TMC1: variants seen among roughly 807,000 people sequenced by gnomAD.
The protein encoded by TMC1 is transmembrane channel like 1.
In TMC1, 84 loss-of-function variants were observed where a neutral mutation model predicts 105.8. That is an observed-to-expected ratio of 0.79 (90% CI 0.67 to 0.95). The LOEUF is 0.95. TMC1 is among the 40% of genes least tolerant of loss of function. The pLI, the probability that TMC1 is intolerant of heterozygous loss-of-function variation, is 0.00. For synonymous variants in TMC1, 315 were observed against 311.5 expected, an observed-to-expected ratio of 1.01 and a Z score of -0.12; for missense variants, 817 against 914.1, an observed-to-expected ratio of 0.89 and a Z score of 1.37.
chr9:72,535,918 C>T (rs141840658), intron 1 of TMC1, among the ~76,000 whole-genome samples: 3 of 152,270 alleles, frequency 2.0e-5, no homozygotes, highest in Admixed American at 1.3e-4. Flanking sequence ...TTAATTTATT[C>T]GTGAATGATT....
chr9:72,625,975 T>C (rs573659434), intron 3 of TMC1, among the ~76,000 whole-genome samples: 63 of 152,300 alleles, frequency 4.1e-4, no homozygotes, highest in African/African-American at 1.5e-3. Context: ...GAGGCTGATA[T>C]TTTCTTTTTG....
chr9:72,627,920 G>A lies in TMC1; in HGVS notation c.-195-1G>A. ...TGGATTTTTTTTTTTTCATATTTTA[G>A]GATGCCAGAAGCCTCAAAAATGGAA... is the stretch of plus-strand genomic sequence containing the variant. On this transcript the variant is annotated splice_acceptor_variant, in intron 3 of 23. Coordinates refer to ENST00000297784, the MANE Select transcript of TMC1 (RefSeq NM_138691.3). LOFTEE classifies it low-confidence loss of function (5UTR_SPLICE). 2.6e-6 allele frequency: 1 copy of A among 381,846 alleles called. No individual in the cohort carries two copies. The allele number at this position is 381,846 out of a possible 1,614,324, so 23.7% of individuals were successfully genotyped here. A position where few individuals can be genotyped will look rare whatever the true frequency, so the allele number is the denominator to read the frequency against.
rs564013112 is a variant in TMC1 at position 72,629,707 on chromosome 9, A to G, written c.-53+1644A>G. On this transcript the variant is annotated intron_variant, in intron 4 of 23. Transcript: ENST00000297784. ...TGAGACATAGCAAATTGTTTGCTTTAACTAGAAAATAGTGGTTATGTGTGG... is the reference window on the plus strand; with the variant it reads ...TGAGACATAGCAAATTGTTTGCTTTGACTAGAAAATAGTGGTTATGTGTGG... Among the ~76,000 whole-genome samples, 88 of 152,288 alleles carry G rather than the reference A, an allele frequency of 5.8e-4. No homozygotes were observed. In the Middle Eastern group the frequency reaches 0.02, roughly 35 times the overall value.
At chr9:72,828,250 T>G (rs1321117187) in intron 21 of TMC1, among the ~76,000 whole-genome samples, 1 of 152,206 alleles carries the variant, frequency 6.6e-6, no homozygotes, top group East Asian at 1.9e-4. Flanking sequence ...CTGGCACAGA[T>G]GCATTAGAAA....
chr9:72,671,037 C>T (rs1414906463), intron 5 of TMC1, among the ~76,000 whole-genome samples: 1 of 152,152 alleles, frequency 6.6e-6, no homozygotes, highest in Non-Finnish European at 1.5e-5. Flanking sequence ...AACACAGAAG[C>T]ATACACATTT....
chr9:72,627,672 G>C (rs976344879), intron 3 of TMC1, among the ~76,000 whole-genome samples: 1 of 150,312 alleles, frequency 6.7e-6, no homozygotes, highest in Admixed American at 6.6e-5. Context: ...TCCAAATGAG[G>C]TTGTACACAC....
intron 18 of TMC1, among the ~76,000 whole-genome samples, chr9:72,807,942 C>T (rs1828632026): frequency 6.6e-6 from 1 of 152,156 alleles, no homozygotes; most frequent in African/African-American, 2.4e-5. Flanking sequence ...ATCCTCAGGT[C>T]CCCCAACAAA....
chr9:72,634,859 G>A (rs1464558592), intron 4 of TMC1, among the ~76,000 whole-genome samples: 2 of 152,228 alleles, frequency 1.3e-5, no homozygotes, highest in Non-Finnish European at 2.9e-5. Flanking sequence ...TGGAAGAGAG[G>A]CATAGGGCAA....
Position 72,804,725 on chromosome 9 carries a change from C to T in TMC1, c.1567-657C>T, listed in dbSNP as rs79906594. On this transcript the variant is annotated intron_variant, in intron 17 of 23. Transcript: ENST00000297784. Reference sequence around the variant, plus strand: ...ACAAATTTCTTCCCAACGTTGTGCCCGGTTTAACTTCCCCATCAGTTTATG... The same window carrying T: ...ACAAATTTCTTCCCAACGTTGTGCCTGGTTTAACTTCCCCATCAGTTTATG... Among the ~76,000 whole-genome samples, 248 of 152,308 alleles carry T rather than the reference C, an allele frequency of 1.6e-3. 2 individuals carry two copies. Among genetic ancestry groups the T allele is most frequent in the Middle Eastern group, 6.8e-3 (2 of 294 alleles).
chr9:72,689,650 T>C (rs908263951), intron 6 of TMC1, among the ~76,000 whole-genome samples: 1 of 152,166 alleles, frequency 6.6e-6, no homozygotes, highest in Admixed American at 6.5e-5. Context: ...CTTATAATTG[T>C]GATATCTTCC....
intron 5 of TMC1, among the ~76,000 whole-genome samples, chr9:72,665,966 G>T (rs1826036213): frequency 6.6e-6 from 1 of 152,204 alleles, no homozygotes; most frequent in Non-Finnish European, 1.5e-5. Flanking sequence ...TCCCTCCACA[G>T]TTCCTCCATG....
intron 2 of TMC1, chr9:72,578,269 TG>T (rs1564423278): frequency 7.7e-5 from 6 of 77,944 alleles, no homozygotes; most frequent in African/African-American, 3.3e-4. Context: ...CGCACGCGTG[TG>T]TGTGTGTGTG....
chr9:72,587,160 CTTT>C (rs34700845), intron 2 of TMC1, among the ~76,000 whole-genome samples: 7 of 144,898 alleles, frequency 4.8e-5, no homozygotes, highest in East Asian at 2.0e-4. Context: ...TAACAGATAA[CTTT>C]TTTTTTTTTT....
At chr9:72,735,127 A>G (rs1827276017) in intron 8 of TMC1, among the ~76,000 whole-genome samples, 1 of 152,192 alleles carries the variant, frequency 6.6e-6, no homozygotes, top group African/African-American at 2.4e-5. Context: ...GACCTCGCTC[A>G]ATTATTTATC....
At chr9:72,567,233 T>TCATG (rs1824175064) in intron 1 of TMC1, among the ~76,000 whole-genome samples, 1 of 152,206 alleles carries the variant, frequency 6.6e-6, no homozygotes, top group African/African-American at 2.4e-5. Flanking sequence ...GATCATTGGA[T>TCATG]CATGGTAGGG....
At position 72,525,987 on chromosome 9, in the gene TMC1, C is replaced by CAAAAAA. The variant is rs36080162; in HGVS notation, c.-428+4084_-428+4089dup. On this transcript the variant is annotated intron_variant, in intron 1 of 23. Transcript: ENST00000297784. ...TGGATGACAGAGTGAGACTCCGTCT[C>CAAAAAA]AAAAAAAAAAAAAAATTCCTTAACC... 2.0e-4 allele frequency among the ~76,000 whole-genome samples: 28 copies of CAAAAAA among 137,430 alleles called. No individual in the cohort carries two copies. In the East Asian group the frequency reaches 5.6e-3, roughly 27 times the overall value. 90.2% of individuals were successfully genotyped at this position (137,430 alleles called of 152,430 possible). A position where few individuals can be genotyped will look rare whatever the true frequency, so the allele number is the denominator to read the frequency against.
At chr9:72,775,331 A>C (rs1236088349) in intron 13 of TMC1, among the ~76,000 whole-genome samples, 2 of 152,102 alleles carry the variant, frequency 1.3e-5, no homozygotes, top group Admixed American at 1.3e-4. Flanking sequence ...TTCATGATAA[A>C]TATAGTTACA....
In TMC1 at chr9:72,792,056, TAAC is replaced by T. The variant is rs780156287; in HGVS notation, c.1401_1403del (p.Asn467del). The T allele has an allele frequency of 3.7e-6, 6 of 1,614,142 alleles. No homozygotes were observed. Among genetic ancestry groups the T allele is most frequent in the East Asian group, 4.5e-5 (2 of 44,880 alleles). On this transcript the variant is annotated inframe_deletion, in exon 16 of 24. Coordinates refer to ENST00000297784, the MANE Select transcript of TMC1 (RefSeq NM_138691.3). Reference sequence around the variant, plus strand: ...TTATTCTTGCATTAATGGATGAGATTAACAACAAGGTAAGCCTTGTTTCTGGAT... The same window carrying T: ...TTATTCTTGCATTAATGGATGAGATTAACAAGGTAAGCCTTGTTTCTGGAT...
chr9:72,749,961 G>T (rs1394009772), intron 10 of TMC1, among the ~76,000 whole-genome samples: 1 of 152,080 alleles, frequency 6.6e-6, no homozygotes, highest in Non-Finnish European at 1.5e-5. Context: ...ACAAAAATTA[G>T]CCAGGTGTGG....
Sources: allele counts gnomAD v4.1 joint callset (sites outside exome capture counted in the v4.1 genomes callset), GRCh38; gene constraint gnomAD v4.1.1; transcripts MANE v1.5; gene names NCBI Gene and HGNC (gene_info 2026-07-23, HGNC 2026-07-21).